STAT4: variants seen among roughly 807,000 people sequenced by gnomAD.
The protein encoded by STAT4 is signal transducer and activator of transcription 4.
In STAT4, 42 loss-of-function variants were observed where a neutral mutation model predicts 110.5. That is an observed-to-expected ratio of 0.38 (90% CI 0.30 to 0.49). The LOEUF is 0.49. Among genes scored for constraint, STAT4 ranks in the 20% least tolerant of loss-of-function variants. The pLI, the probability that STAT4 is intolerant of heterozygous loss-of-function variation, is 0.95. For synonymous variants in STAT4, 284 were observed against 302.2 expected, an observed-to-expected ratio of 0.94 and a Z score of 0.63; for missense variants, 632 against 887.9, an observed-to-expected ratio of 0.71 and a Z score of 3.66.
intron 3 of STAT4, among the ~76,000 whole-genome samples, chr2:191,098,764 A>C (rs1698076466): frequency 6.6e-6 from 1 of 152,228 alleles, no homozygotes; most frequent in African/African-American, 2.4e-5. Flanking sequence ...TAATTTAAAA[A>C]ATAAATCTTA....
chr2:191,127,325 T>C (rs1001174058), intron 3 of STAT4, among the ~76,000 whole-genome samples: 1 of 152,208 alleles, frequency 6.6e-6, no homozygotes, highest in Non-Finnish European at 1.5e-5. Flanking sequence ...CGCTTGTTTG[T>C]GAGATAGGAA....
chr2:191,054,624 CCA>C (rs1467799381), intron 13 of STAT4, 90 bp from the exon 14 acceptor site: 1 of 1,189,958 alleles, frequency 8.4e-7, no homozygotes, highest in Non-Finnish European at 1.2e-6. Flanking sequence ...ATTTTCTTGG[CCA>C]CAGTTTTGAC....
chr2:191,121,059 T>A (rs1440150951), intron 3 of STAT4, among the ~76,000 whole-genome samples: 1 of 151,802 alleles, frequency 6.6e-6, no homozygotes, highest in African/African-American at 2.4e-5. Flanking sequence ...TACAAAGAAC[T>A]CAAACAAACT....
intron 3 of STAT4, among the ~76,000 whole-genome samples, chr2:191,121,559 T>A (rs1177315613): frequency 2.0e-5 from 3 of 152,068 alleles, no homozygotes; most frequent in Non-Finnish European, 4.4e-5. Flanking sequence ...TAAGAAAATG[T>A]GGCACATATA....
At chr2:191,087,751 C>A (rs993883966) in intron 3 of STAT4, among the ~76,000 whole-genome samples, 9 of 151,894 alleles carry the variant, frequency 5.9e-5, no homozygotes, top group African/African-American at 2.2e-4. Flanking sequence ...GTGAAAAAAA[C>A]AAACCCACTA....
chr2:191,075,862 GT>G (rs1455983061), intron 4 of STAT4, among the ~76,000 whole-genome samples: 1 of 74,268 alleles, frequency 1.3e-5, no homozygotes, highest in African/African-American at 5.0e-5. Flanking sequence ...TTTTTGTTTT[GT>G]TTTAAAGACA....
chr2:191,052,509 C>G (rs2459610), intron 14 of STAT4, among the ~76,000 whole-genome samples: 149,290 of 152,350 alleles, frequency 0.98, 73,220 homozygotes, highest in East Asian at 1. Context: ...GTGTTAATAA[C>G]ACAGTGGTTG....
rs372450932 is a variant in STAT4, at chr2:191,119,273, T to C, written c.273+27340A>G. On this transcript the variant is annotated intron_variant, in intron 3 of 23. Coordinates refer to ENST00000392320, the MANE Select transcript of STAT4 (RefSeq NM_003151.4). ...GATGGGACACCCTTGGGGTCATTCT[T>C]TGCCCTTTGACTTCTTGCTGGTTGA... Among the ~76,000 whole-genome samples, 29 of 152,296 alleles carry C rather than the reference T, an allele frequency of 1.9e-4. 1 individual carries two copies. The highest frequency in any genetic ancestry group is 6.5e-4 in the African/African-American group (27 of 41,570).
intron 3 of STAT4, among the ~76,000 whole-genome samples, chr2:191,132,909 C>T (rs962705286): frequency 2.6e-5 from 4 of 151,424 alleles, no homozygotes; most frequent in African/African-American, 4.9e-5. Context: ...CGCCCGCCAC[C>T]ATGCCCGGCT....
intron 14 of STAT4, among the ~76,000 whole-genome samples, chr2:191,052,207 G>A (rs753550005): frequency 5.9e-5 from 9 of 152,102 alleles, no homozygotes; most frequent in Non-Finnish European, 1.2e-4. Context: ...CCTACTGAAT[G>A]GCCAAGCCCC....
rs572368489 is a variant in STAT4 at position 191,054,455 on chromosome 2, T to C, written c.1251+35A>G. 8.9e-6 allele frequency: 14 copies of C among 1,568,762 alleles called. No homozygotes were observed. In the East Asian group the frequency reaches 2.9e-4, roughly 33 times the overall value. Reference sequence around the variant, plus strand: ...AAAATAAGATATTATAAGATCTGTTTCCAGAAAAATTCTATAGGAGAAAAC... The same window carrying C: ...AAAATAAGATATTATAAGATCTGTTCCCAGAAAAATTCTATAGGAGAAAAC... On this transcript the variant is annotated intron_variant, in intron 14 of 23. Coordinates refer to ENST00000392320, the MANE Select transcript of STAT4 (RefSeq NM_003151.4).
rs778810082 is a variant in STAT4, at chr2:191,033,663, ATTGGAT to A, written c.1716-43_1716-38del. On this transcript the variant is annotated intron_variant, in intron 19 of 23. Coordinates refer to ENST00000392320, the MANE Select transcript of STAT4 (RefSeq NM_003151.4). This position sits in a 1 kb window ranked among gnomAD's most constrained non-coding sequence, Gnocchi z 6.9. ...ACATGCATTATTTCATCTGATCATT[ATTGGAT>A]TTTCACTTATTGCATTTACAAAGAC... 3.1e-6 allele frequency: 5 copies of A among 1,598,162 alleles called. No individual in the cohort carries two copies. The South Asian group carries it at 5.7e-5, about 18-fold the overall frequency.
At chr2:191,151,122 C>G (rs1034720768), upstream of STAT4, 45 of 985,344 alleles carry the variant, frequency 4.6e-5, no homozygotes, top group Non-Finnish European at 5.2e-5. The surrounding 1 kb of genome is among the most constrained non-coding windows in gnomAD (Gnocchi z 4.7). Context: ...TTACTTGGGT[C>G]AGTTCCCACC....
intron 5 of STAT4, among the ~76,000 whole-genome samples, chr2:191,071,380 C>T (rs757555362): frequency 2.0e-5 from 3 of 152,172 alleles, no homozygotes; most frequent in Non-Finnish European, 4.4e-5. Context: ...AGCTACTAAA[C>T]TCATGGAACC....
chr2:191,069,469 T>C (rs907066276), intron 6 of STAT4, among the ~76,000 whole-genome samples: 1 of 152,074 alleles, frequency 6.6e-6, no homozygotes, highest in Non-Finnish European at 1.5e-5. Context: ...GGTAATTTAC[T>C]TGGAATTGGT....
At chr2:191,093,929 C>A (rs1226828804) in intron 3 of STAT4, among the ~76,000 whole-genome samples, 3 of 152,112 alleles carry the variant, frequency 2.0e-5, no homozygotes, top group African/African-American at 7.2e-5. Flanking sequence ...GGCATGGGAA[C>A]CATGTGAGGC....
chr2:191,150,925 A>C lies in STAT4; in HGVS notation c.-2+22T>G. ...TGTCCTCCTTACAAGAGGCAGCCAG[A>C]AGGTGTGGTCTGGCCACTTACCTAG... is the stretch of plus-strand genomic sequence containing the variant. On this transcript the variant is annotated intron_variant, in intron 1 of 23. Transcript: ENST00000392320. This position sits in a 1 kb window ranked among gnomAD's most constrained non-coding sequence, Gnocchi z 6.4. 1 of 985,672 alleles carries C rather than the reference A, an allele frequency of 1.0e-6. No homozygotes were observed. The highest frequency in any genetic ancestry group is 1.2e-6 in the Non-Finnish European group (1 of 830,052). 61.1% of individuals were successfully genotyped at this position (985,672 alleles called of 1,614,324 possible).
chr2:191,150,975 C>A lies in STAT4; in HGVS notation c.-30G>T. ...GCGCTCTCTCAGCACAGGTCCCAGG[C>A]AGTGCTCAAGTCCAAAGTCAGAAGC... On this transcript the variant is annotated 5_prime_UTR_variant, in exon 1 of 24. Transcript: ENST00000392320. This position sits in a 1 kb window ranked among gnomAD's most constrained non-coding sequence, Gnocchi z 6.4. The A allele has an allele frequency of 3.0e-6, 3 of 985,782 alleles. No homozygotes were observed. The highest frequency in any genetic ancestry group is 3.6e-6 in the Non-Finnish European group (3 of 830,110). 61.1% of individuals were successfully genotyped at this position (985,782 alleles called of 1,614,324 possible).
At chr2:191,088,772 C>T (rs963411991) in intron 3 of STAT4, among the ~76,000 whole-genome samples, 9 of 152,196 alleles carry the variant, frequency 5.9e-5, no homozygotes, top group East Asian at 5.8e-4. Context: ...AATGGATCCA[C>T]GTAAATGTAC....
Sources: allele counts gnomAD v4.1 joint callset (sites outside exome capture counted in the v4.1 genomes callset), GRCh38; gene constraint gnomAD v4.1.1; non-coding constraint Gnocchi (gnomAD v3.1); transcripts MANE v1.5; gene names NCBI Gene and HGNC (gene_info 2026-07-23, HGNC 2026-07-21).